The following CCDC102B variants were observed in gnomAD, a reference collection of about 807,000 sequenced individuals.
The protein encoded by CCDC102B is coiled-coil domain-containing protein 102B.
Under a neutral mutation model 57.4 loss-of-function variants are expected in CCDC102B, and 75 were observed. The ratio of observed to expected loss-of-function variants is 1.31; its 90% CI spans 1.08 to 1.58. The LOEUF (loss-of-function observed/expected upper bound fraction) is 1.58, where lower values mean the gene tolerates loss of function less well. CCDC102B is among the 40% of genes most tolerant of loss of function. The pLI, the probability that CCDC102B is intolerant of heterozygous loss-of-function variation, is 0.00. For synonymous variants in CCDC102B, 206 were observed against 201.9 expected, an observed-to-expected ratio of 1.02 and a Z score of -0.17; for missense variants, 636 against 582.6, an observed-to-expected ratio of 1.09 and a Z score of -0.94.
chr18:68,965,993 C>T (rs2050156993), intron 6 of CCDC102B, among the ~76,000 whole-genome samples: 1 of 152,022 alleles, frequency 6.6e-6, no homozygotes, highest in South Asian at 2.1e-4. Flanking sequence ...TTTCAGGATC[C>T]CCACTAGGCT....
At chr18:68,845,353 A>G (rs940122367) in intron 3 of CCDC102B, among the ~76,000 whole-genome samples, 7 of 151,860 alleles carry the variant, frequency 4.6e-5, no homozygotes, top group South Asian at 2.1e-4. Context: ...TTAATTATGA[A>G]TACAGTAAGT....
In CCDC102B at chr18:68,947,931, G is replaced by A. The variant is rs1940624605; in HGVS notation, c.1263+50503G>A. On this transcript the variant is annotated intron_variant, in intron 6 of 7. Transcript: ENST00000360242. ...GACAAAAGTGGGAAATGAAAAAATT[G>A]TATTTTTTTCTTATGTAAGGGAAGC... Among the ~76,000 whole-genome samples the A allele has an allele frequency of 1.3e-5, 2 of 152,082 alleles. 1 individual carries two copies. Among genetic ancestry groups the A allele is most frequent in the South Asian group, 4.1e-4 (2 of 4,824 alleles).
chr18:68,874,706 A>T lies in CCDC102B; in HGVS notation c.974A>T (p.Gln325Leu). Residue 325 changes from glutamine (Q) to leucine (L), a missense_variant, in exon 5 of 8, where the codon CAA becomes CTA. Transcript: ENST00000360242. ...ILLGQHNDEM[Q>L]ELSGNIKEES... The stretch of plus-strand genomic sequence containing the variant: ...CTTGGTCAACATAATGATGAAATGC[A>T]AGAACTGTCAGGCAATATAAAGGAA... 6.2e-7 allele frequency: 1 copy of T among 1,612,036 alleles called. No individual in the cohort carries two copies. Among genetic ancestry groups the T allele is most frequent in the East Asian group, 2.2e-5 (1 of 44,790 alleles).
At chr18:68,855,338 T>C (rs1451418049) in intron 4 of CCDC102B, among the ~76,000 whole-genome samples, 1 of 152,166 alleles carries the variant, frequency 6.6e-6, no homozygotes, top group African/African-American at 2.4e-5. Context: ...TTGTTATGTT[T>C]TGGATCATTT....
At chr18:68,830,161 C>T (rs1450592425) in intron 1 of CCDC102B, among the ~76,000 whole-genome samples, 1 of 151,812 alleles carries the variant, frequency 6.6e-6, no homozygotes, top group Non-Finnish European at 1.5e-5. Flanking sequence ...GTCATTTAAT[C>T]GATATGAGGT....
chr18:68,718,535 C>T lies in CCDC102B; in HGVS notation c.-67+1941C>T, dbSNP rs142729053. ...GATCTGGGTGCTGCTTACAATGATA[C>T]GTTCACATTGCGAAAATGTGTTGAG... On this transcript the variant is annotated intron_variant, in intron 2 of 3. Transcript: ENST00000578970. Among the ~76,000 whole-genome samples, 637 of 152,258 alleles carry T rather than the reference C, an allele frequency of 4.2e-3. 3 individuals are homozygous for T. The highest frequency in any genetic ancestry group is 9.2e-3 in the Admixed American group (141 of 15,294).
upstream of CCDC102B, among the ~76,000 whole-genome samples, chr18:68,796,017 A>G (rs2035616988): frequency 6.6e-6 from 1 of 152,188 alleles, no homozygotes; most frequent in African/African-American, 2.4e-5. Context: ...GAAGCCAAGA[A>G]AAGCCAATGT....
chr18:68,808,321 GA>G (rs2036106532), intron 1 of CCDC102B, among the ~76,000 whole-genome samples: 1 of 151,982 alleles, frequency 6.6e-6, no homozygotes, highest in Non-Finnish European at 1.5e-5. Context: ...CCAGGACAAA[GA>G]AGTCAGCATT....
chr18:69,006,026 AC>A (rs1431412822), intron 6 of CCDC102B, among the ~76,000 whole-genome samples: 4 of 152,120 alleles, frequency 2.6e-5, no homozygotes, highest in African/African-American at 9.7e-5. Flanking sequence ...TGAATATATG[AC>A]ATAGTAATTA....
chr18:68,905,784 C>CTTTTTTT (rs35808828), intron 6 of CCDC102B, among the ~76,000 whole-genome samples: 1 of 70,438 alleles, frequency 1.4e-5, no homozygotes, highest in East Asian at 5.5e-4. Context: ...TTATGTCTGG[C>CTTTTTTT]TTTTTTTTTT....
chr18:68,767,089 A>G (rs187602793), intron 2 of CCDC102B, among the ~76,000 whole-genome samples: 19 of 152,318 alleles, frequency 1.2e-4, no homozygotes, highest in Admixed American at 1.2e-3. Flanking sequence ...ATTTTCTCTT[A>G]CTAGCTGGGT....
chr18:68,873,252 G>A (rs1187258543), intron 4 of CCDC102B, among the ~76,000 whole-genome samples: 2 of 152,176 alleles, frequency 1.3e-5, no homozygotes, highest in East Asian at 3.9e-4. Flanking sequence ...TGCCTTCTGT[G>A]TGCTCTCTTT....
At chr18:68,973,940 CTT>C (rs1297115212) in intron 6 of CCDC102B, among the ~76,000 whole-genome samples, 1 of 152,048 alleles carries the variant, frequency 6.6e-6, no homozygotes, top group Non-Finnish European at 1.5e-5. Context: ...TCCACGGCAT[CTT>C]AGCGGCTGCA....
intron 6 of CCDC102B, among the ~76,000 whole-genome samples, chr18:68,967,897 G>C (rs1482168114): frequency 2.0e-5 from 3 of 151,846 alleles, no homozygotes; most frequent in Non-Finnish European, 4.4e-5. Flanking sequence ...AATTATAATT[G>C]AAAATGAGAT....
chr18:68,744,033 T>C (rs994354038), intron 2 of CCDC102B, among the ~76,000 whole-genome samples: 1 of 152,252 alleles, frequency 6.6e-6, no homozygotes, highest in African/African-American at 2.4e-5. Flanking sequence ...GCATTTAATT[T>C]CTTTCTGAAA....
chr18:68,950,046 G>A (rs1012131260), intron 6 of CCDC102B, among the ~76,000 whole-genome samples: 2 of 152,020 alleles, frequency 1.3e-5, no homozygotes, highest in Non-Finnish European at 2.9e-5. Flanking sequence ...ATCTGTCTAA[G>A]CTGACAACCT....
intron 2 of CCDC102B, among the ~76,000 whole-genome samples, chr18:68,757,504 C>T (rs1051840020): frequency 6.6e-6 from 1 of 151,740 alleles, no homozygotes; most frequent in Admixed American, 6.6e-5. Flanking sequence ...GAAATTTTCT[C>T]TTAAAAAAAC....
intron 6 of CCDC102B, among the ~76,000 whole-genome samples, chr18:69,007,003 G>A (rs1438018789): frequency 1.3e-5 from 2 of 152,144 alleles, no homozygotes; most frequent in Non-Finnish European, 2.9e-5. Flanking sequence ...GGATTGTCAC[G>A]TGGATTTAGA....
chr18:68,810,243 ATTT>A (rs2036191262), intron 1 of CCDC102B, among the ~76,000 whole-genome samples: 1 of 152,194 alleles, frequency 6.6e-6, no homozygotes, highest in Non-Finnish European at 1.5e-5. Flanking sequence ...CACAAATTCA[ATTT>A]TCAGATAGAT....
Sources: gnomAD v4.1 joint callset for allele counts (sites outside exome capture counted in the v4.1 genomes callset) on GRCh38, gnomAD v4.1.1 for gene constraint, MANE v1.5 for transcripts, NCBI Gene and HGNC (gene_info 2026-07-23, HGNC 2026-07-21) for gene names.